CORO1C: variants seen among roughly 807,000 people sequenced by gnomAD.
The protein encoded by CORO1C is coronin 1C.
Under a neutral mutation model 51.2 loss-of-function variants are expected in CORO1C, and 14 were observed. That is an observed-to-expected ratio of 0.27 (90% CI 0.18 to 0.43). The LOEUF (loss-of-function observed/expected upper bound fraction) is 0.43. Among genes scored for constraint, CORO1C ranks in the 20% least tolerant of loss-of-function variants. CORO1C has a pLI of 1.00. For synonymous variants in CORO1C, 181 were observed against 210.5 expected (o/e 0.86, Z 1.21); for missense variants, 417 against 607.8 (o/e 0.69, Z 3.30).
At chr12:108,668,818 A>G (rs912051130) in intron 3 of CORO1C, among the ~76,000 whole-genome samples, 9 of 152,234 alleles carry the variant, frequency 5.9e-5, no homozygotes, top group Admixed American at 3.9e-4. Context: ...AACATCATTC[A>G]CTAAACTTAA....
chr12:108,695,851 T>TAAAAAA (rs924887183), intron 2 of CORO1C, among the ~76,000 whole-genome samples: 14 of 62,452 alleles, frequency 2.2e-4, no homozygotes, highest in East Asian at 8.1e-4. Context: ...TTGGGAGAAC[T>TAAAAAA]AAAAAAAAAA....
chr12:108,652,515 AC>A (rs1362913693), intron 7 of CORO1C, 98 bp from the exon 8 acceptor site: 1 of 909,588 alleles, frequency 1.1e-6, no homozygotes, highest in East Asian at 2.4e-5. Context: ...AGTAGTTGGG[AC>A]CCCGCTTCAG....
Position 108,648,590 on chromosome 12 carries a change from T to A in CORO1C, c.1305+15A>T, listed in dbSNP as rs375125043. 2.5e-6 allele frequency: 4 copies of A among 1,614,018 alleles called. No homozygotes were observed. In the South Asian group the frequency reaches 3.3e-5, roughly 13 times the overall value. On this transcript the variant is annotated intron_variant, in intron 10 of 10. Coordinates refer to ENST00000261401, the MANE Select transcript of CORO1C (RefSeq NM_014325.4). ...CTGAACCAGCCAAGCACCCCTGCAC[T>A]CCACTGGTCCTCACCACACTGGCCG...
chr12:108,688,035 C>T lies in CORO1C; in HGVS notation c.196-9641G>A, dbSNP rs113154234. ...ACCTCCCAGGTACAGGCGATTCTCC[C>T]GCCTCAGCCTCCTGAGTAGCTGGGA... On this transcript the variant is annotated intron_variant, in intron 2 of 10. Transcript: ENST00000261401. Among the ~76,000 whole-genome samples the T allele has an allele frequency of 6.5e-4, 98 of 151,610 alleles. 1 individual carries two copies. Among genetic ancestry groups the T allele is most frequent in the African/African-American group, 2.2e-3 (93 of 41,344 alleles).
At chr12:108,694,943 C>T (rs780264614) in intron 2 of CORO1C, among the ~76,000 whole-genome samples, 1 of 152,196 alleles carries the variant, frequency 6.6e-6, no homozygotes, top group Non-Finnish European at 1.5e-5. Flanking sequence ...TTATCAACTG[C>T]TGATTAACAA....
At chr12:108,715,071 A>T (rs947268948) in intron 1 of CORO1C, among the ~76,000 whole-genome samples, 1 of 152,034 alleles carries the variant, frequency 6.6e-6, no homozygotes, top group African/African-American at 2.4e-5. Flanking sequence ...GACAAAAGAT[A>T]AAATTCCTAA....
intron 1 of CORO1C, among the ~76,000 whole-genome samples, chr12:108,724,254 C>T (rs747424189): frequency 1.3e-4 from 20 of 152,268 alleles, no homozygotes; most frequent in Admixed American, 9.2e-4. Flanking sequence ...AAGAGCATGA[C>T]GAAAGGCTAA....
At chr12:108,678,118 T>C (rs1488793981) in intron 3 of CORO1C, among the ~76,000 whole-genome samples, 154 bp downstream of exon 3, 1 of 152,134 alleles carries the variant, frequency 6.6e-6, no homozygotes, top group East Asian at 1.9e-4. Context: ...AACTTAAACG[T>C]AGTAAATTAT....
chr12:108,660,967 T>C (rs1206093414), intron 4 of CORO1C, among the ~76,000 whole-genome samples: 3 of 152,216 alleles, frequency 2.0e-5, no homozygotes, highest in Admixed American at 6.5e-5. Context: ...GAACTGCCCC[T>C]CCTCCTTTTT....
intron 3 of CORO1C, among the ~76,000 whole-genome samples, chr12:108,674,180 T>C (rs1419755139): frequency 6.6e-6 from 1 of 152,194 alleles, no homozygotes; most frequent in Non-Finnish European, 1.5e-5. Flanking sequence ...CATTTTGACT[T>C]TCAAATCTTA....
intron 3 of CORO1C, among the ~76,000 whole-genome samples, chr12:108,663,859 G>C (rs1204735288): frequency 6.6e-6 from 1 of 152,158 alleles, no homozygotes; most frequent in Non-Finnish European, 1.5e-5. Context: ...TGTTATTTAA[G>C]AAAATCCTCT....
chr12:108,706,111 C>T (rs147637287), intron 1 of CORO1C, among the ~76,000 whole-genome samples: 181 of 143,916 alleles, frequency 1.3e-3, no homozygotes, highest in African/African-American at 4.4e-3. Flanking sequence ...TGCTTGAACC[C>T]GGGAGATAGC....
At chr12:108,718,207 G>C (rs1053837343) in intron 1 of CORO1C, among the ~76,000 whole-genome samples, 2 of 152,108 alleles carry the variant, frequency 1.3e-5, no homozygotes, top group African/African-American at 4.8e-5. Flanking sequence ...TAAAAAATTA[G>C]CCAGGCGTGG....
chr12:108,684,310 CAGGA>C (rs905004190), intron 2 of CORO1C, among the ~76,000 whole-genome samples: 3 of 152,248 alleles, frequency 2.0e-5, no homozygotes, highest in African/African-American at 7.2e-5. Context: ...ACAAGGATGT[CAGGA>C]AAGAGGAACT....
intron 4 of CORO1C, among the ~76,000 whole-genome samples, chr12:108,661,401 G>A (rs2033254780): frequency 6.6e-6 from 1 of 152,218 alleles, no homozygotes; most frequent in Non-Finnish European, 1.5e-5. Context: ...GCAGAAAGCA[G>A]CCCATGTGTA....
intron 3 of CORO1C, among the ~76,000 whole-genome samples, chr12:108,673,069 T>C (rs2033777003): frequency 6.6e-6 from 1 of 152,204 alleles, no homozygotes; most frequent in South Asian, 2.1e-4. Flanking sequence ...CATTTCTCAC[T>C]TTAAATAAAA....
intron 2 of CORO1C, among the ~76,000 whole-genome samples, chr12:108,691,428 A>G (rs1475882540): frequency 1.3e-5 from 2 of 152,198 alleles, no homozygotes; most frequent in African/African-American, 4.8e-5. Flanking sequence ...GTGTGTTCAG[A>G]TACCTTTCTT....
chr12:108,674,527 G>A (rs141312714), intron 3 of CORO1C, among the ~76,000 whole-genome samples: 10,099 of 148,024 alleles, frequency 0.068, 572 homozygotes, highest in East Asian at 0.32. Context: ...CAGCCTGGGC[G>A]ACAGAGCGAG....
chr12:108,674,697 G>A (rs890579709), intron 3 of CORO1C, among the ~76,000 whole-genome samples: 1 of 152,142 alleles, frequency 6.6e-6, no homozygotes, highest in Non-Finnish European at 1.5e-5. Context: ...TAGATATGGT[G>A]GAAATAGAGA....
Sources: allele counts gnomAD v4.1 joint callset (sites outside exome capture counted in the v4.1 genomes callset), GRCh38; gene constraint gnomAD v4.1.1; transcripts MANE v1.5; gene names NCBI Gene and HGNC (gene_info 2026-07-23, HGNC 2026-07-21).